The following INPP5A variants were observed in gnomAD, a reference collection of about 807,000 sequenced individuals.
INPP5A encodes the protein 43 kDa inositol polyphosphate 5-phophatase.
Under a neutral mutation model 65.2 loss-of-function variants are expected in INPP5A, and 14 were observed. That is an observed-to-expected ratio of 0.21 (90% CI 0.14 to 0.34). The LOEUF (loss-of-function observed/expected upper bound fraction) is 0.34, where lower values mean the gene tolerates loss of function less well. INPP5A is among the 10% of genes least tolerant of loss of function. The probability of loss-of-function intolerance (pLI) is 1.00; values close to 1 mark genes in which losing one functional copy is unlikely to be tolerated. For missense variants in INPP5A, 431 were observed against 545.6 expected (o/e 0.79, Z 2.09); for synonymous variants, 207 against 208.3 (o/e 0.99, Z 0.05).
At chr10:132,720,600 G>C (rs1448456113) in intron 8 of INPP5A, among the ~76,000 whole-genome samples, 4 of 149,196 alleles carry the variant, frequency 2.7e-5, no homozygotes, top group African/African-American at 9.9e-5. Context: ...ACCTTAGACG[G>C]CTGTCTTCAG....
At chr10:132,696,248 C>G (rs1216108371) in intron 5 of INPP5A, among the ~76,000 whole-genome samples, 1 of 152,252 alleles carries the variant, frequency 6.6e-6, no homozygotes, top group Admixed American at 6.5e-5. Context: ...CTGTCAAGGG[C>G]TCAGCTCTTC....
At chr10:132,600,519 C>G (rs920139660) in intron 1 of INPP5A, among the ~76,000 whole-genome samples, 1 of 152,222 alleles carries the variant, frequency 6.6e-6, no homozygotes, top group Non-Finnish European at 1.5e-5. Context: ...CCCACATTTT[C>G]CTGTCGTCTT....
intron 1 of INPP5A, among the ~76,000 whole-genome samples, chr10:132,548,406 C>T (rs572417252): frequency 9.2e-5 from 14 of 152,254 alleles, no homozygotes; most frequent in African/African-American, 2.9e-4. Flanking sequence ...GCCCGGGAGT[C>T]GACTCTGCTT....
In INPP5A at chr10:132,708,180, C is replaced by T. The variant is rs563901854; in HGVS notation, c.475-133C>T. The T allele has an allele frequency of 2.9e-4, 208 of 722,948 alleles. 1 individual carries two copies. The highest frequency in any genetic ancestry group is 5.8e-4 in the African/African-American group (33 of 56,752). The allele number at this position is 722,948 out of a possible 1,614,324, so 44.8% of individuals were successfully genotyped here. ...CACAGCTCGGTTCTCTTTAGTGGGG[C>T]GGCATCAGTGCCGGAAGAGCCCTGC... On this transcript the variant is annotated intron_variant, in intron 6 of 15. Coordinates refer to ENST00000368594, the MANE Select transcript of INPP5A (RefSeq NM_005539.5).
rs2072756327 is a variant in INPP5A, at chr10:132,663,036, T to G, written c.306+12531T>G. Among the ~76,000 whole-genome samples the G allele has an allele frequency of 6.6e-6, 1 of 152,142 alleles. No individual in the cohort carries two copies. The highest frequency in any genetic ancestry group is 2.1e-4 in the South Asian group (1 of 4,832). On this transcript the variant is annotated intron_variant, in intron 4 of 15. Transcript: ENST00000368594. This position sits in a 1 kb window ranked among gnomAD's most constrained non-coding sequence, Gnocchi z 4.5. ...GGCTTGTGAGGGGTCAAACTGCAGA[T>G]TTAATGGAAAAGGGAAGTACTTCCA...
At chr10:132,766,307 A>G (rs181771337) in intron 12 of INPP5A, among the ~76,000 whole-genome samples, 1 of 152,374 alleles carries the variant, frequency 6.6e-6, no homozygotes, top group East Asian at 1.9e-4. Context: ...TCTTTTTCCA[A>G]AAAAGGTTTT....
intron 9 of INPP5A, among the ~76,000 whole-genome samples, chr10:132,745,520 G>C (rs1402806054): frequency 1.3e-5 from 2 of 152,224 alleles, no homozygotes; most frequent in East Asian, 3.9e-4. Flanking sequence ...ATCTGTGCTG[G>C]GCCCTGCTGG....
intron 8 of INPP5A, among the ~76,000 whole-genome samples, 156 bp downstream of exon 8, chr10:132,710,612 GAGA>G (rs1795584041): frequency 6.6e-6 from 1 of 151,314 alleles, no homozygotes; most frequent in Non-Finnish European, 1.5e-5. Flanking sequence ...AGTGTGGATG[GAGA>G]GGTAGGTATG....
At position 132,555,137 on chromosome 10, in the gene INPP5A, G is replaced by A. The variant is rs375017244; in HGVS notation, c.75+16966G>A. ...GGGTGACATAGGTGGTGTGGCTGGC[G>A]TGGTTAGTGGGTGGCATAGATGGCA... On this transcript the variant is annotated intron_variant, in intron 1 of 15. Transcript: ENST00000368594. This position sits in a 1 kb window ranked among gnomAD's most constrained non-coding sequence, Gnocchi z 4.4. Among the ~76,000 whole-genome samples, 120 of 151,942 alleles carry A rather than the reference G, an allele frequency of 7.9e-4. No homozygotes were observed. Among genetic ancestry groups the A allele is most frequent in the African/African-American group, 2.5e-3 (102 of 41,422 alleles).
rs1373782306 is a variant in INPP5A, at chr10:132,727,197, G to A, written c.732+292G>A. On this transcript the variant is annotated intron_variant, in intron 9 of 15. Transcript: ENST00000368594. The surrounding 1 kb of genome is among the most constrained non-coding windows in gnomAD (Gnocchi z 6.5). ...GCACACAAGGAGCTGCTGGAGTGCC[G>A]TCACAGCGCCACCCCCTCGATGCCC... 1.7e-5 allele frequency: 5 copies of A among 297,866 alleles called. No individual in the cohort carries two copies. The highest frequency in any genetic ancestry group is 1.7e-4 in the South Asian group (2 of 11,568). 18.5% of individuals were successfully genotyped at this position (297,866 alleles called of 1,614,324 possible).
chr10:132,572,441 G>A (rs1477152500), intron 1 of INPP5A, among the ~76,000 whole-genome samples: 1 of 152,168 alleles, frequency 6.6e-6, no homozygotes, highest in Admixed American at 6.5e-5. Context: ...GGGGCCTTTC[G>A]TAGGGCTGTG....
At chr10:132,649,582 T>C (rs2072545064) in intron 3 of INPP5A, among the ~76,000 whole-genome samples, 1 of 152,276 alleles carries the variant, frequency 6.6e-6, no homozygotes, top group Non-Finnish European at 1.5e-5. Flanking sequence ...TGCCCTTCTC[T>C]ACTGGTGCAG....
intron 8 of INPP5A, among the ~76,000 whole-genome samples, chr10:132,725,712 T>TA (rs1268897575): frequency 6.6e-6 from 1 of 152,188 alleles, no homozygotes; most frequent in East Asian, 1.9e-4. Context: ...CACCTGCAGT[T>TA]AACCTGATTG....
In INPP5A at chr10:132,698,974, G is replaced by A. The variant is rs552385327; in HGVS notation, c.474+1055G>A. Reference sequence around the variant, plus strand: ...ACCCTGTGGCTCGGCCTCCTCATCCGTCTTCCCAAGGCCAAGGACGCCGTG... The same window carrying A: ...ACCCTGTGGCTCGGCCTCCTCATCCATCTTCCCAAGGCCAAGGACGCCGTG... On this transcript the variant is annotated intron_variant, in intron 6 of 15. Coordinates refer to ENST00000368594, the MANE Select transcript of INPP5A (RefSeq NM_005539.5). The surrounding 1 kb of genome is among the most constrained non-coding windows in gnomAD (Gnocchi z 5.5). Among the ~76,000 whole-genome samples, 178 of 152,328 alleles carry A rather than the reference G, an allele frequency of 1.2e-3. No homozygotes were observed. The highest frequency in any genetic ancestry group is 3.9e-3 in the African/African-American group (162 of 41,570).
intron 11 of INPP5A, among the ~76,000 whole-genome samples, chr10:132,756,284 G>A (rs1846611584): frequency 6.6e-6 from 1 of 152,004 alleles, no homozygotes; most frequent in Admixed American, 6.5e-5. Flanking sequence ...GCATGCGTGT[G>A]CATGTGCACT....
intron 12 of INPP5A, among the ~76,000 whole-genome samples, chr10:132,769,246 A>G (rs1846907656): frequency 6.6e-6 from 1 of 152,260 alleles, no homozygotes; most frequent in Non-Finnish European, 1.5e-5. Context: ...AATATTTCAG[A>G]CATTTATACA....
At chr10:132,624,942 G>A (rs2072161971) in intron 2 of INPP5A, among the ~76,000 whole-genome samples, 1 of 151,964 alleles carries the variant, frequency 6.6e-6, no homozygotes, top group Admixed American at 6.6e-5. Flanking sequence ...AGCAGGTGCT[G>A]CCCCGCCACC....
intron 8 of INPP5A, among the ~76,000 whole-genome samples, chr10:132,718,346 A>T (rs560236794): frequency 2.0e-5 from 3 of 150,800 alleles, no homozygotes; most frequent in South Asian, 4.2e-4. Context: ...TGAGCACCTT[A>T]GACAGCTGTC....
At chr10:132,751,665 C>T (rs939901793) in intron 11 of INPP5A, among the ~76,000 whole-genome samples, 1 of 130,780 alleles carries the variant, frequency 7.6e-6, no homozygotes, top group African/African-American at 3.0e-5. Context: ...GAGGTGTCTT[C>T]GTGGAGGCGA....
Sources: gnomAD v4.1 joint callset for allele counts (sites outside exome capture counted in the v4.1 genomes callset) on GRCh38, gnomAD v4.1.1 for gene constraint, Gnocchi (gnomAD v3.1) non-coding constraint, MANE v1.5 for transcripts, NCBI Gene and HGNC (gene_info 2026-07-23, HGNC 2026-07-21) for gene names.